The following CFAP58 variants were observed in gnomAD, a reference collection of about 807,000 sequenced individuals.
The protein encoded by CFAP58 is cilia and flagella associated protein 58, also known as cilia- and flagella-associated protein 58.
In CFAP58, 88 loss-of-function variants were observed where a neutral mutation model predicts 119.5. That is an observed-to-expected ratio of 0.74 (90% CI 0.62 to 0.88). The LOEUF is 0.88. Ranked by LOEUF, CFAP58 falls within the 40% of genes least tolerant of loss-of-function variation. The pLI is 0.00. For missense variants in CFAP58, 990 were observed against 1,021.2 expected, an observed-to-expected ratio of 0.97 and a Z score of 0.42; for synonymous variants, 365 against 366.3, an observed-to-expected ratio of 1.00 and a Z score of 0.04.
At chr10:104,366,524 T>A (rs1358662451) in intron 5 of CFAP58, among the ~76,000 whole-genome samples, 1 of 152,260 alleles carries the variant, frequency 6.6e-6, no homozygotes, top group Non-Finnish European at 1.5e-5. Flanking sequence ...TTCTGCTATA[T>A]TCTGTTTGTG....
intron 9 of CFAP58, among the ~76,000 whole-genome samples, chr10:104,382,772 C>T (rs1196135549): frequency 6.6e-6 from 1 of 152,156 alleles, no homozygotes; most frequent in Admixed American, 6.5e-5. Flanking sequence ...AAGAAGATGC[C>T]TGCTTCCCCA....
chr10:104,449,713 G>A (rs747216686), intron 16 of CFAP58, among the ~76,000 whole-genome samples: 2 of 151,914 alleles, frequency 1.3e-5, no homozygotes, highest in African/African-American at 2.4e-5. Context: ...TTTTTTTAAG[G>A]CTTTAAAAGC....
At chr10:104,401,396 G>A (rs2012262768) in intron 13 of CFAP58, among the ~76,000 whole-genome samples, 1 of 152,166 alleles carries the variant, frequency 6.6e-6, no homozygotes, top group East Asian at 1.9e-4. Context: ...CTTAGAAGGC[G>A]GCCAAATTTT....
intron 15 of CFAP58, among the ~76,000 whole-genome samples, chr10:104,407,024 G>A (rs2012374006): frequency 6.6e-6 from 1 of 152,204 alleles, no homozygotes; most frequent in South Asian, 2.1e-4. Context: ...TAGACTTACT[G>A]CAATGGGTAA....
Position 104,400,725 on chromosome 10 carries a change from AATG to A in CFAP58, c.1866_1868del (p.Asp622del). The A allele has an allele frequency of 6.2e-7, 1 of 1,614,126 alleles. No homozygotes were observed. Among genetic ancestry groups the A allele is most frequent in the Non-Finnish European group, 8.5e-7 (1 of 1,180,018 alleles). On this transcript the variant is annotated inframe_deletion, in exon 13 of 18. Transcript: ENST00000369704. ...CCTGGGGTCTCAGCTTGTTCGGCGC[AATG>A]ATGAGTTAGCTTTGCTCTATGAGAA...
chr10:104,395,161 TCA>T (rs146084949), intron 11 of CFAP58, among the ~76,000 whole-genome samples: 4,676 of 152,338 alleles, frequency 0.031, 242 homozygotes, highest in African/African-American at 0.11. Context: ...TCCTAATTCC[TCA>T]GAGTTTGACT....
intron 9 of CFAP58, chr10:104,382,459 T>G: frequency 2.3e-6 from 1 of 435,982 alleles, no homozygotes. Flanking sequence ...AAAATTCCAG[T>G]GTGGTTTTAT....
chr10:104,350,980 C>T (rs1473750176), upstream of CFAP58, among the ~76,000 whole-genome samples: 2 of 152,186 alleles, frequency 1.3e-5, no homozygotes, highest in African/African-American at 4.8e-5. Flanking sequence ...TATGGGTGAC[C>T]AGGGCCCTCT....
At chr10:104,377,124 A>T (rs1564884407) in intron 8 of CFAP58, among the ~76,000 whole-genome samples, 1 of 152,244 alleles carries the variant, frequency 6.6e-6, no homozygotes, top group Non-Finnish European at 1.5e-5. Context: ...GAGAATTAGC[A>T]TATAAGCCAG....
chr10:104,342,458 T>TTTCTATTGGCTTGTTTC, the CFAP58 span, among the ~76,000 whole-genome samples: 10 of 152,148 alleles, frequency 6.6e-5, no homozygotes, highest in Non-Finnish European at 1.5e-4. Flanking sequence ...TGTTTATGTG[T>TTTCTATTGGCTTGTTTC]ATACATGTGT....
intron 15 of CFAP58, among the ~76,000 whole-genome samples, chr10:104,443,010 G>A (rs957706981): frequency 7.2e-5 from 11 of 152,162 alleles, no homozygotes; most frequent in Middle Eastern, 3.2e-3. Context: ...TGACCTGACC[G>A]TGTAATTGCA....
chr10:104,380,017 C>T lies in CFAP58; in HGVS notation c.1174-12C>T. The T allele has an allele frequency of 6.2e-7, 1 of 1,608,466 alleles. No individual in the cohort carries two copies. Among genetic ancestry groups the T allele is most frequent in the Non-Finnish European group, 8.5e-7 (1 of 1,177,486 alleles). ...TATGAGTAATGTGACTGCTTTGTGC[C>T]CTTATTTTTAGAACATGCTTAAGGC... is the stretch of plus-strand genomic sequence containing the variant. On this transcript the variant is annotated splice_polypyrimidine_tract_variant and intron_variant, in intron 8 of 17. Transcript: ENST00000369704.
chr10:104,400,423 A>G (rs1473014953), intron 12 of CFAP58, among the ~76,000 whole-genome samples: 1 of 152,172 alleles, frequency 6.6e-6, no homozygotes, highest in African/African-American at 2.4e-5. Flanking sequence ...CTGGGATTAC[A>G]TGCATGAGCC....
chr10:104,383,165 C>T (rs749883068), intron 9 of CFAP58, among the ~76,000 whole-genome samples: 5 of 152,164 alleles, frequency 3.3e-5, no homozygotes, highest in African/African-American at 7.2e-5. Context: ...ATTCACCCTT[C>T]GAGACCTAAC....
At chr10:104,403,358 A>G (rs1188703231) in intron 13 of CFAP58, among the ~76,000 whole-genome samples, 3 of 151,666 alleles carry the variant, frequency 2.0e-5, no homozygotes, top group Admixed American at 2.0e-4. Flanking sequence ...AGTCCATTAA[A>G]CCTCTTTCCT....
In CFAP58 at chr10:104,393,383, G is replaced by C. The variant is rs148122772; in HGVS notation, c.1582G>C (p.Glu528Gln). ...KLKIMIHQVD[E>Q]LKEDISAKES... The stretch of plus-strand genomic sequence containing the variant: ...AAAGATTATGATCCATCAGGTAGAT[G>C]AGCTGAAAGAAGACATCTCTGCCAA... The change falls in exon 11 of 18, where the codon GAG (glutamate) becomes CAG (glutamine). Residue 528 changes from glutamate to glutamine, a missense_variant. Coordinates refer to ENST00000369704, the MANE Select transcript of CFAP58 (RefSeq NM_001008723.2). 1.9e-6 allele frequency: 3 copies of C among 1,613,840 alleles called. No individual in the cohort carries two copies. The African/African-American group carries it at 4.0e-5, about 22-fold the overall frequency.
intron 12 of CFAP58, among the ~76,000 whole-genome samples, chr10:104,399,823 C>A (rs1286839142): frequency 6.6e-6 from 1 of 151,992 alleles, no homozygotes; most frequent in Non-Finnish European, 1.5e-5. Context: ...ATGATTTGAT[C>A]TTGACTGGGT....
rs141037496 is a variant in CFAP58 at position 104,394,117 on chromosome 10, G to A, written c.1674+642G>A. Among the ~76,000 whole-genome samples, 567 of 152,258 alleles carry A rather than the reference G, an allele frequency of 3.7e-3. 1 individual carries two copies. The highest frequency in any genetic ancestry group is 0.013 in the African/African-American group (541 of 41,538). ...AAATCTACTAATTTAGATATTCTATGTCTACTAACATAAGGACCCTTTCCA... is the reference window on the plus strand; with the variant it reads ...AAATCTACTAATTTAGATATTCTATATCTACTAACATAAGGACCCTTTCCA... On this transcript the variant is annotated intron_variant, in intron 11 of 17. Coordinates refer to ENST00000369704, the MANE Select transcript of CFAP58 (RefSeq NM_001008723.2).
At chr10:104,365,783 C>CT (rs1486207739) in intron 4 of CFAP58, 31 bp from the exon 5 acceptor site, 1 of 1,574,490 alleles carries the variant, frequency 6.4e-7, no homozygotes, top group African/African-American at 1.4e-5. Context: ...GGGCTCATCT[C>CT]TTTCTCTCTT....
Sources: gnomAD v4.1 joint callset for allele counts (sites outside exome capture counted in the v4.1 genomes callset) on GRCh38, gnomAD v4.1.1 for gene constraint, MANE v1.5 for transcripts, NCBI Gene and HGNC (gene_info 2026-07-23, HGNC 2026-07-21) for gene names.